Variants in KCNJ16 observed in about 807,000 individuals in gnomAD.
KCNJ16 encodes inward rectifier potassium channel 16.
In KCNJ16, 15 loss-of-function variants were observed where a neutral mutation model predicts 18.5. The observed-to-expected ratio is 0.81, with a 90% CI of 0.54 to 1.25. The LOEUF is 1.25. Ranked by LOEUF, KCNJ16 falls within the 50% of genes most tolerant of loss-of-function variation. KCNJ16 has a pLI of 0.00. For missense variants in KCNJ16, 523 were observed against 525.7 expected (o/e 0.99, Z 0.05); for synonymous variants, 174 against 186.5 (o/e 0.93, Z 0.55).
intron 2 of KCNJ16, among the ~76,000 whole-genome samples, chr17:70,119,717 C>A (rs1490348382): frequency 6.6e-6 from 1 of 152,212 alleles, no homozygotes; most frequent in African/African-American, 2.4e-5. Context: ...CTAGGCCCTG[C>A]CCACAAAACC....
In KCNJ16 at chr17:70,095,951, C is replaced by T. The variant is rs1355695270; in HGVS notation, c.-299-4707C>T. Among the ~76,000 whole-genome samples the T allele has an allele frequency of 3.2e-5, 4 of 125,134 alleles. No homozygotes were observed. The East Asian group carries it at 1.1e-3, about 34-fold the overall frequency. 82.1% of individuals were successfully genotyped at this position (125,134 alleles called of 152,430 possible). A position where few individuals can be genotyped will look rare whatever the true frequency, so the allele number is the denominator to read the frequency against. ...AGGCTGTAGTGCAGTGGCACTATCT[C>T]GGCTCACTGCAAGCTCCGCCTCCCG... On this transcript the variant is annotated intron_variant, in intron 1 of 3. Transcript: ENST00000392671.
intron 1 of KCNJ16, among the ~76,000 whole-genome samples, chr17:70,087,354 T>C (rs2071852199): frequency 6.6e-6 from 1 of 152,126 alleles, no homozygotes; most frequent in Non-Finnish European, 1.5e-5. Context: ...TTTTCTTTCA[T>C]TTACCATCCA....
chr17:70,095,770 G>T (rs2072331092), intron 1 of KCNJ16, among the ~76,000 whole-genome samples: 1 of 150,644 alleles, frequency 6.6e-6, no homozygotes, highest in Admixed American at 6.6e-5. Flanking sequence ...GATATCAAAT[G>T]TGGTACCAAA....
At chr17:70,120,805 T>C (rs1380303975) in intron 2 of KCNJ16, among the ~76,000 whole-genome samples, 1 of 152,058 alleles carries the variant, frequency 6.6e-6, no homozygotes, top group Non-Finnish European at 1.5e-5. Context: ...GGATTACAAC[T>C]CAACATGAGA....
In KCNJ16 at chr17:70,132,728, G is replaced by A. The variant is rs760642393; in HGVS notation, c.641G>A (p.Gly214Glu). The A allele has an allele frequency of 6.2e-7, 1 of 1,614,078 alleles. No individual in the cohort carries two copies. The highest frequency in any genetic ancestry group is 8.5e-7 in the Non-Finnish European group (1 of 1,180,016). ...TTTCGGCCAAACCACGTGGTAGAAGGAACAGTTAGAGCCCAACTTCTCCGC... is the reference window on the plus strand; with the variant it reads ...TTTCGGCCAAACCACGTGGTAGAAGAAACAGTTAGAGCCCAACTTCTCCGC... ...GDFRPNHVVE[G>E]TVRAQLLRYT... The change falls in exon 4 of 4, where the codon GGA becomes GAA. Residue 214 changes from glycine (G) to glutamate (E), a missense_variant. By Grantham distance (98) the Gly-to-Glu change is moderately conservative. Coordinates refer to ENST00000392671, the MANE Select transcript of KCNJ16 (RefSeq NM_170741.4).
At chr17:70,089,717 TC>T in intron 1 of KCNJ16, among the ~76,000 whole-genome samples, 1 of 152,338 alleles carries the variant, frequency 6.6e-6, no homozygotes, top group Non-Finnish European at 1.5e-5. Flanking sequence ...TGACATTTTT[TC>T]AAAAGGTTAC....
In KCNJ16 at chr17:70,095,102, T is replaced by C. The variant is rs572959368; in HGVS notation, c.-299-5556T>C. 6.6e-5 allele frequency among the ~76,000 whole-genome samples: 10 copies of C among 152,346 alleles called. No individual in the cohort carries two copies. In the East Asian group the frequency reaches 1.9e-3, roughly 29 times the overall value. Reference sequence around the variant, plus strand: ...TGAGCATATGAATAATTTACTTTTGTTTGTTTAATTCACAAATAGCTCAAT... The same window carrying C: ...TGAGCATATGAATAATTTACTTTTGCTTGTTTAATTCACAAATAGCTCAAT... On this transcript the variant is annotated intron_variant, in intron 1 of 3. Transcript: ENST00000392671.
chr17:70,123,708 C>CA (rs35463126), intron 2 of KCNJ16, among the ~76,000 whole-genome samples: 26,535 of 148,746 alleles, frequency 0.18, 2,477 homozygotes, highest in East Asian at 0.28. Flanking sequence ...TAAGATGTGG[C>CA]AAAAAAAAAA....
chr17:70,090,026 T>C (rs919016441), intron 1 of KCNJ16, among the ~76,000 whole-genome samples: 1 of 152,236 alleles, frequency 6.6e-6, no homozygotes, highest in African/African-American at 2.4e-5. Flanking sequence ...AGGACACTGT[T>C]AAATCATTTG....
chr17:70,087,680 C>T (rs2071876577), intron 1 of KCNJ16, among the ~76,000 whole-genome samples: 1 of 151,954 alleles, frequency 6.6e-6, no homozygotes, highest in Non-Finnish European at 1.5e-5. Context: ...GCACTCCAGC[C>T]TGGATGACAG....
chr17:70,083,971 G>C (rs1190320034), intron 1 of KCNJ16, among the ~76,000 whole-genome samples: 1 of 152,110 alleles, frequency 6.6e-6, no homozygotes, highest in Non-Finnish European at 1.5e-5. Flanking sequence ...CTTCATAACA[G>C]GGGTGGCCAG....
intron 2 of KCNJ16, among the ~76,000 whole-genome samples, chr17:70,119,016 A>T (rs2073528145): frequency 1.3e-5 from 2 of 152,232 alleles, no homozygotes; most frequent in Admixed American, 1.3e-4. Flanking sequence ...CAGGCGTTGG[A>T]TAAACATTCC....
In KCNJ16 at chr17:70,132,554, T is replaced by G. The variant is rs368613259; in HGVS notation, c.467T>G (p.Leu156Ter). The G allele has an allele frequency of 6.0e-5, 97 of 1,614,128 alleles. No individual in the cohort carries two copies. The highest frequency in any genetic ancestry group is 8.0e-5 in the Non-Finnish European group (94 of 1,180,048). Residue 156 changes from leucine to a stop codon, truncating the protein, a stop_gained, in exon 4 of 4, where the codon TTA (leucine) becomes TGA (stop). Transcript: ENST00000392671. LOFTEE classifies it high-confidence loss of function. ...CTCATGGTGATCCTCCAGTCCATCTTAAGTTGCATCATAAATACCTTTATC... is the reference window on the plus strand; with the variant it reads ...CTCATGGTGATCCTCCAGTCCATCTGAAGTTGCATCATAAATACCTTTATC... ...AVLMVILQSI[L>*]SCIINTFIIG... is the part of the protein sequence containing the mutation.
intron 2 of KCNJ16, chr17:70,101,459 T>C (rs1175262753): frequency 6.6e-6 from 1 of 152,228 alleles, no homozygotes; most frequent in Non-Finnish European, 1.5e-5. Flanking sequence ...ATCAATCTGC[T>C]AGGTTAAGTA....
intron 2 of KCNJ16, among the ~76,000 whole-genome samples, chr17:70,103,904 T>G (rs2072787794): frequency 6.6e-6 from 1 of 151,746 alleles, no homozygotes. Flanking sequence ...ACTGTGCTAT[T>G]TATTGGGTAA....
intron 1 of KCNJ16, among the ~76,000 whole-genome samples, chr17:70,082,189 T>C (rs2071585658): frequency 6.6e-6 from 1 of 152,188 alleles, no homozygotes; most frequent in African/African-American, 2.4e-5. Flanking sequence ...ACTGTGGAAG[T>C]AATACAGTAT....
At chr17:70,086,204 G>T (rs2071789338) in intron 1 of KCNJ16, among the ~76,000 whole-genome samples, 1 of 152,144 alleles carries the variant, frequency 6.6e-6, no homozygotes, top group South Asian at 2.1e-4. Context: ...GAGAATTTTT[G>T]TGAGAAAGTG....
intron 1 of KCNJ16, among the ~76,000 whole-genome samples, chr17:70,092,005 T>C (rs778379695): frequency 6.6e-6 from 1 of 152,154 alleles, no homozygotes; most frequent in African/African-American, 2.4e-5. Flanking sequence ...GAAAAAAGAA[T>C]GCTACACAAC....
At chr17:70,114,468 ATTTGT>A (rs1217112600) in intron 2 of KCNJ16, among the ~76,000 whole-genome samples, 2 of 152,174 alleles carry the variant, frequency 1.3e-5, no homozygotes, top group East Asian at 3.8e-4. Flanking sequence ...CACAAATTAC[ATTTGT>A]TTTGAAATGC....
Sources: allele counts gnomAD v4.1 joint callset (sites outside exome capture counted in the v4.1 genomes callset), GRCh38; gene constraint gnomAD v4.1.1; transcripts MANE v1.5; gene names NCBI Gene and HGNC (gene_info 2026-07-23, HGNC 2026-07-21).